The following AOAH variants were observed in gnomAD, a reference collection of about 807,000 sequenced individuals.
The protein encoded by AOAH is acyloxyacyl hydrolase (neutrophil).
Under a neutral mutation model 92.2 loss-of-function variants are expected in AOAH, and 64 were observed. The observed-to-expected ratio is 0.69, with a 90% CI of 0.57 to 0.86. The LOEUF (loss-of-function observed/expected upper bound fraction) is 0.86. Ranked by LOEUF, AOAH falls within the 40% of genes least tolerant of loss-of-function variation. The pLI, the probability that AOAH is intolerant of heterozygous loss-of-function variation, is 0.00. For missense variants in AOAH, 656 were observed against 694.6 expected (o/e 0.94, Z 0.62); for synonymous variants, 263 against 254.5 (o/e 1.03, Z -0.32).
chr7:36,515,365 C>A (rs1341787496), intron 20 of AOAH, among the ~76,000 whole-genome samples: 1 of 117,038 alleles, frequency 8.5e-6, no homozygotes, highest in Non-Finnish European at 1.8e-5. Flanking sequence ...CCCACACACA[C>A]ACCACACACA....
rs370195853 is a variant in AOAH at position 36,540,297 on chromosome 7, A to G, written c.1306+22T>C. The G allele has an allele frequency of 1.1e-5, 17 of 1,591,192 alleles. No homozygotes were observed. In the African/African-American group the frequency reaches 2.3e-4, roughly 21 times the overall value. ...ATATACATTGATGTTATTAAAGAGT[A>G]AAAGAATCTTCAAACTGATACCGAG... On this transcript the variant is annotated intron_variant, in intron 16 of 20. Transcript: ENST00000617537.
chr7:36,668,151 C>G (rs1022896414), intron 3 of AOAH, among the ~76,000 whole-genome samples: 5 of 152,066 alleles, frequency 3.3e-5, no homozygotes, highest in African/African-American at 9.7e-5. Flanking sequence ...TTTCATTTCT[C>G]CCCTGCTCCC....
chr7:36,576,534 A>C, intron 13 of AOAH, 40 bp downstream of exon 13: 1 of 1,197,576 alleles, frequency 8.4e-7, no homozygotes, highest in South Asian at 1.4e-5. Context: ...CTCAATCATT[A>C]CAGGAACATT....
intron 11 of AOAH, among the ~76,000 whole-genome samples, chr7:36,596,051 A>C (rs1015598534): frequency 6.6e-6 from 1 of 152,228 alleles, no homozygotes; most frequent in African/African-American, 2.4e-5. Flanking sequence ...CGAGGGAAAG[A>C]AAAGCCATTA....
At chr7:36,568,707 T>C (rs1157136453) in intron 13 of AOAH, among the ~76,000 whole-genome samples, 5 of 152,186 alleles carry the variant, frequency 3.3e-5, no homozygotes, top group African/African-American at 9.7e-5. Context: ...AACTCTTTCT[T>C]CACCCCTTCT....
At chr7:36,522,445 G>T (rs1021153834) in intron 19 of AOAH, among the ~76,000 whole-genome samples, 2 of 152,192 alleles carry the variant, frequency 1.3e-5, no homozygotes, top group Non-Finnish European at 2.9e-5. Flanking sequence ...CAGTAGGATG[G>T]TATTACAGTA....
chr7:36,670,480 G>A (rs565874306), intron 3 of AOAH, among the ~76,000 whole-genome samples: 3 of 152,270 alleles, frequency 2.0e-5, no homozygotes, highest in South Asian at 2.1e-4. Context: ...TCATGCTAGC[G>A]AGAATTAGTC....
chr7:36,646,351 A>G (rs1191389144), intron 4 of AOAH, among the ~76,000 whole-genome samples: 3 of 152,200 alleles, frequency 2.0e-5, no homozygotes, highest in Non-Finnish European at 4.4e-5. Flanking sequence ...CAAGCTCTCC[A>G]GTACTAGGCT....
At chr7:36,707,350 T>C (rs1438085588) in intron 1 of AOAH, among the ~76,000 whole-genome samples, 2 of 152,130 alleles carry the variant, frequency 1.3e-5, no homozygotes, top group African/African-American at 2.4e-5. Flanking sequence ...GTGTGGTTCA[T>C]GGCACCCCGA....
intron 11 of AOAH, among the ~76,000 whole-genome samples, chr7:36,610,217 A>G (rs1791350600): frequency 7.3e-6 from 1 of 136,088 alleles, no homozygotes; most frequent in Admixed American, 7.6e-5. Context: ...TGGGTGGTTT[A>G]GTAGATTATT....
intron 3 of AOAH, among the ~76,000 whole-genome samples, chr7:36,660,046 C>T (rs1214713991): frequency 6.6e-6 from 1 of 152,192 alleles, no homozygotes; most frequent in African/African-American, 2.4e-5. Flanking sequence ...GATCTCTCCA[C>T]CATGTACCTT....
At chr7:36,542,084 T>G (rs1583773435) in intron 15 of AOAH, among the ~76,000 whole-genome samples, 1 of 152,328 alleles carries the variant, frequency 6.6e-6, no homozygotes, top group East Asian at 1.9e-4. Context: ...GATGAGGTCA[T>G]GTTGGATTAG....
At chr7:36,530,017 G>T (rs1393276265) in intron 19 of AOAH, among the ~76,000 whole-genome samples, 2 of 152,172 alleles carry the variant, frequency 1.3e-5, no homozygotes, top group Admixed American at 6.5e-5. Flanking sequence ...CTGAGTCCCT[G>T]GGTATTTCAG....
chr7:36,608,910 A>AGGGGGGGGGGGGGG (rs1198057785), intron 11 of AOAH, among the ~76,000 whole-genome samples: 1 of 17,240 alleles, frequency 5.8e-5, no homozygotes, highest in African/African-American at 1.5e-4. Flanking sequence ...TGCGGCGGGG[A>AGGGGGGGGGGGGGG]GGGGGGGGGG....
chr7:36,645,791 A>G (rs1011125446), intron 4 of AOAH, among the ~76,000 whole-genome samples: 1 of 152,134 alleles, frequency 6.6e-6, no homozygotes, highest in African/African-American at 2.4e-5. Flanking sequence ...GGATGAAAAA[A>G]AAAAGGGTAA....
Position 36,512,977 on chromosome 7 carries a change from A to G in AOAH, c.*275T>C. 1 of 1,379,318 alleles carries G rather than the reference A, an allele frequency of 7.2e-7. No homozygotes were observed. Among genetic ancestry groups the G allele is most frequent in the South Asian group, 1.3e-5 (1 of 75,398 alleles). 85.4% of individuals were successfully genotyped at this position (1,379,318 alleles called of 1,614,324 possible). ...AACTCCTTTTAGAACAATTAGCTGT[A>G]AAGGGCACAGATACTCTCTTGTTTG... is the stretch of plus-strand genomic sequence containing the variant. On this transcript the variant is annotated 3_prime_UTR_variant, in exon 21 of 21. Coordinates refer to ENST00000617537, the MANE Select transcript of AOAH (RefSeq NM_001637.4).
chr7:36,690,262 A>C (rs899346032), intron 1 of AOAH: 2 of 431,140 alleles, frequency 4.6e-6, no homozygotes, highest in African/African-American at 4.1e-5. Context: ...TCTTACCGCT[A>C]TCGTCACTTT....
intron 6 of AOAH, among the ~76,000 whole-genome samples, chr7:36,625,290 A>G (rs1037559657): frequency 1.3e-5 from 2 of 152,180 alleles, no homozygotes; most frequent in African/African-American, 2.4e-5. Flanking sequence ...GTGGTTCAGT[A>G]AAGACTCTGG....
intron 19 of AOAH, among the ~76,000 whole-genome samples, chr7:36,522,700 T>A (rs567674722): frequency 3.9e-5 from 6 of 152,236 alleles, no homozygotes; most frequent in African/African-American, 1.2e-4. Flanking sequence ...TGTCAGTTGC[T>A]CCAAGGCAAC....
Sources: allele counts gnomAD v4.1 joint callset (sites outside exome capture counted in the v4.1 genomes callset), GRCh38; gene constraint gnomAD v4.1.1; transcripts MANE v1.5; gene names NCBI Gene and HGNC (gene_info 2026-07-23, HGNC 2026-07-21).